The following FGGY variants were observed in gnomAD, a reference collection of about 807,000 sequenced individuals.
FGGY encodes FGGY carbohydrate kinase domain-containing protein.
In FGGY, 72 loss-of-function variants were observed where a neutral mutation model predicts 71.3. The ratio of observed to expected loss-of-function variants is 1.01; its 90% CI spans 0.84 to 1.23. The LOEUF is 1.23. FGGY is among the 50% of genes most tolerant of loss of function. FGGY has a pLI of 0.00. For missense variants in FGGY, 668 were observed against 682.3 expected (o/e 0.98, Z 0.23); for synonymous variants, 251 against 250.3 (o/e 1.00, Z -0.02).
At chr1:59,508,674 C>T (rs991266953) in intron 6 of FGGY, among the ~76,000 whole-genome samples, 1 of 152,160 alleles carries the variant, frequency 6.6e-6, no homozygotes, top group Non-Finnish European at 1.5e-5. Context: ...TCATTTTGGT[C>T]TCTAAATAAA....
intron 6 of FGGY, among the ~76,000 whole-genome samples, chr1:59,487,667 A>C (rs1174869159): frequency 1.3e-5 from 2 of 152,134 alleles, no homozygotes; most frequent in African/African-American, 4.8e-5. Flanking sequence ...CTTCTCTGAT[A>C]CAGAAACCCC....
intron 5 of FGGY, among the ~76,000 whole-genome samples, chr1:59,439,945 C>T (rs2069379337): frequency 1.3e-5 from 2 of 152,046 alleles, no homozygotes; most frequent in African/African-American, 4.8e-5. Context: ...GTCGATCCAG[C>T]CAGGCTGGTG....
intron 14 of FGGY, among the ~76,000 whole-genome samples, chr1:59,687,656 G>A (rs1170168866): frequency 6.7e-6 from 1 of 150,056 alleles, no homozygotes; most frequent in Non-Finnish European, 1.5e-5. Context: ...TTTAAGTAGA[G>A]ATGGTGTTTC....
At chr1:59,589,751 C>T (rs2096390666) in intron 8 of FGGY, among the ~76,000 whole-genome samples, 2 of 152,054 alleles carry the variant, frequency 1.3e-5, no homozygotes, top group South Asian at 2.1e-4. Context: ...AGAACAAAGA[C>T]ACAACATACC....
chr1:59,441,206 C>G lies in FGGY; in HGVS notation c.555-15755C>G, dbSNP rs556334314. ...CCTAGTACTCACGTCTATCTATCTG[C>G]AGTGCCATGCTGAGTGCTTGCAGAA... On this transcript the variant is annotated intron_variant, in intron 5 of 15. Transcript: ENST00000303721. 1.1e-4 allele frequency among the ~76,000 whole-genome samples: 17 copies of G among 152,288 alleles called. 1 individual carries two copies. The South Asian group carries it at 2.5e-3, about 22-fold the overall frequency.
chr1:59,672,214 C>T (rs577376769), intron 13 of FGGY, among the ~76,000 whole-genome samples: 1 of 152,140 alleles, frequency 6.6e-6, no homozygotes, highest in Non-Finnish European at 1.5e-5. Flanking sequence ...TTGATGGGAA[C>T]CTTTATTGTC....
chr1:59,686,358 C>A (rs1485284876), intron 14 of FGGY, among the ~76,000 whole-genome samples: 1 of 152,126 alleles, frequency 6.6e-6, no homozygotes, highest in African/African-American at 2.4e-5. Flanking sequence ...ACCCGTCAAT[C>A]GAGAAGGGCA....
intron 1 of FGGY, among the ~76,000 whole-genome samples, chr1:59,309,064 A>C (rs1302219173): frequency 6.6e-6 from 1 of 152,144 alleles, no homozygotes; most frequent in Non-Finnish European, 1.5e-5. Flanking sequence ...CTTAGAAGAT[A>C]AATTCTTAGA....
intron 14 of FGGY, among the ~76,000 whole-genome samples, chr1:59,738,500 G>C (rs1415925796): frequency 1.3e-5 from 2 of 152,224 alleles, no homozygotes; most frequent in Admixed American, 6.5e-5. Context: ...GGTTTCCCCA[G>C]AATGGCCACC....
chr1:59,317,035 G>T (rs1227179614), intron 1 of FGGY, among the ~76,000 whole-genome samples: 1 of 152,166 alleles, frequency 6.6e-6, no homozygotes, highest in Admixed American at 6.5e-5. Flanking sequence ...CTGTGCTTCT[G>T]TACCATGCAA....
At chr1:59,675,523 T>G (rs2097427428) in intron 14 of FGGY, among the ~76,000 whole-genome samples, 1 of 152,224 alleles carries the variant, frequency 6.6e-6, no homozygotes, top group Admixed American at 6.5e-5. Context: ...CACAAGGAAT[T>G]AAATCCACTC....
rs565951792 is a variant in FGGY, at chr1:59,449,352, C to T, written c.555-7609C>T. On this transcript the variant is annotated intron_variant, in intron 5 of 15. Transcript: ENST00000303721. ...AGGCTGGAGTGCAATGGCACAATCTCGGCTCACTGCAACCTCCACCTTCCA... is the reference window on the plus strand; with the variant it reads ...AGGCTGGAGTGCAATGGCACAATCTTGGCTCACTGCAACCTCCACCTTCCA... Among the ~76,000 whole-genome samples the T allele has an allele frequency of 1.1e-3, 171 of 152,282 alleles. 1 individual carries two copies. The highest frequency in any genetic ancestry group is 9.1e-4 in the Non-Finnish European group (62 of 68,014).
chr1:59,421,850 T>A (rs1397503470), intron 5 of FGGY, among the ~76,000 whole-genome samples: 2 of 152,162 alleles, frequency 1.3e-5, no homozygotes, highest in Non-Finnish European at 2.9e-5. Context: ...GTCTGTTTTT[T>A]AAAAACGTTG....
chr1:59,757,982 C>T lies in FGGY; in HGVS notation c.1564C>T (p.Gln522Ter). Reference sequence around the variant, plus strand: ...TGGGAAAGTTGTGTTCCCGAGACTACAGGATAAAAAGTAAGTGTGTATTTT... The same window carrying T: ...TGGGAAAGTTGTGTTCCCGAGACTATAGGATAAAAAGTAAGTGTGTATTTT... Reference protein sequence around the residue: ...KVGKVVFPRLQDKKYYDKKYQ... With the variant: ...KVGKVVFPRL The change falls in exon 15 of 16, where the codon CAG becomes TAG. Residue 522 changes from glutamine to a stop codon, truncating the protein, a stop_gained. Coordinates refer to ENST00000303721, the MANE Select transcript of FGGY (RefSeq NM_018291.5). LOFTEE classifies it high-confidence loss of function. The T allele has an allele frequency of 6.2e-7, 1 of 1,612,074 alleles. No homozygotes were observed. Among genetic ancestry groups the T allele is most frequent in the Non-Finnish European group, 8.5e-7 (1 of 1,178,730 alleles).
At chr1:59,751,941 G>C (rs995441920) in intron 14 of FGGY, among the ~76,000 whole-genome samples, 3 of 152,142 alleles carry the variant, frequency 2.0e-5, no homozygotes, top group Admixed American at 2.0e-4. Flanking sequence ...ACATGCAAAC[G>C]ACAACATGTA....
chr1:59,672,785 A>G (rs2097393996), intron 13 of FGGY, among the ~76,000 whole-genome samples: 2 of 152,302 alleles, frequency 1.3e-5, no homozygotes, highest in African/African-American at 4.8e-5. Flanking sequence ...TGAGTAGAAG[A>G]CAGTTTTTAC....
chr1:59,406,742 T>A (rs1458264887), intron 5 of FGGY, among the ~76,000 whole-genome samples: 2 of 152,220 alleles, frequency 1.3e-5, no homozygotes, highest in African/African-American at 2.4e-5. Flanking sequence ...AATAATAAGG[T>A]CAGCCATGTA....
intron 3 of FGGY, among the ~76,000 whole-genome samples, chr1:59,340,426 A>G (rs2050435732): frequency 6.6e-6 from 1 of 152,190 alleles, no homozygotes; most frequent in Non-Finnish European, 1.5e-5. Flanking sequence ...TTCTTTGTAT[A>G]CGATATTCCT....
chr1:59,313,513 A>G (rs1390067691), intron 1 of FGGY, among the ~76,000 whole-genome samples: 1 of 152,134 alleles, frequency 6.6e-6, no homozygotes, highest in Non-Finnish European at 1.5e-5. Flanking sequence ...AAAATGTGAA[A>G]ACAACCTAAA....
Sources: gnomAD v4.1 joint callset for allele counts (sites outside exome capture counted in the v4.1 genomes callset) on GRCh38, gnomAD v4.1.1 for gene constraint, MANE v1.5 for transcripts, NCBI Gene and HGNC (gene_info 2026-07-23, HGNC 2026-07-21) for gene names.